The following EPHA5 variants were observed in gnomAD, a reference collection of about 807,000 sequenced individuals.
The protein encoded by EPHA5 is ephrin type-A receptor 5.
Under a neutral mutation model 105.0 loss-of-function variants are expected in EPHA5, and 60 were observed. The ratio of observed to expected loss-of-function variants is 0.57; its 90% CI spans 0.46 to 0.71. The LOEUF is 0.71. Ranked by LOEUF, EPHA5 falls within the 30% of genes least tolerant of loss-of-function variation. The pLI, the probability that EPHA5 is intolerant of heterozygous loss-of-function variation, is 0.00. For synonymous variants in EPHA5, 513 were observed against 449.1 expected (o/e 1.14, Z -1.80); for missense variants, 1,218 against 1,274.7 (o/e 0.96, Z 0.68).
At chr4:65,561,245 T>C (rs1415946810) in intron 3 of EPHA5, among the ~76,000 whole-genome samples, 1 of 152,148 alleles carries the variant, frequency 6.6e-6, no homozygotes, top group East Asian at 1.9e-4. Context: ...TTGTAAGATA[T>C]TATTTATCTA....
chr4:65,533,086 C>T (rs545928956), intron 3 of EPHA5, among the ~76,000 whole-genome samples: 12 of 152,202 alleles, frequency 7.9e-5, no homozygotes, highest in Admixed American at 3.9e-4. Flanking sequence ...CACCTACTTC[C>T]CACTTCAATT....
intron 8 of EPHA5, among the ~76,000 whole-genome samples, chr4:65,388,807 T>C (rs1004952571): frequency 4.6e-5 from 7 of 150,944 alleles, no homozygotes; most frequent in African/African-American, 1.7e-4. Flanking sequence ...GTGCAGAAGC[T>C]CTTTAGTTTA....
Position 65,669,950 on chromosome 4 carries a change from G to T in EPHA5, c.-208C>A. On this transcript the variant is annotated 5_prime_UTR_variant, in exon 1 of 17. Coordinates refer to ENST00000613740, the MANE Select transcript of EPHA5 (RefSeq NM_001281766.3). ...TCTGGCTCCTCTCGCCTCCCCCTTTGGTGGGGTTAAATGAAATATTAGTTC... is the reference window on the plus strand; with the variant it reads ...TCTGGCTCCTCTCGCCTCCCCCTTTTGTGGGGTTAAATGAAATATTAGTTC... The T allele has an allele frequency of 8.8e-6, 6 of 679,726 alleles. No homozygotes were observed. The highest frequency in any genetic ancestry group is 1.2e-5 in the Non-Finnish European group (6 of 484,284). 42.1% of individuals were successfully genotyped at this position (679,726 alleles called of 1,614,324 possible). A position where few individuals can be genotyped will look rare whatever the true frequency, so the allele number is the denominator to read the frequency against.
chr4:65,574,064 C>A (rs1047033307), intron 3 of EPHA5: 1 of 1,600,330 alleles, frequency 6.2e-7, no homozygotes, highest in Non-Finnish European at 8.6e-7. Context: ...CAACCAAAAT[C>A]GATATCAGCA....
chr4:65,331,903 T>A, intron 16 of EPHA5, 70 bp downstream of exon 16: 2 of 1,539,176 alleles, frequency 1.3e-6, no homozygotes, highest in Non-Finnish European at 8.7e-7. Flanking sequence ...CCTTACCTCA[T>A]CCAGATTGGT....
intron 1 of EPHA5, among the ~76,000 whole-genome samples, chr4:65,645,789 A>C (rs1748067524): frequency 6.6e-6 from 1 of 152,064 alleles, no homozygotes; most frequent in Admixed American, 6.6e-5. Flanking sequence ...ATGGTCAAAT[A>C]GTTTTATTCG....
intron 5 of EPHA5, among the ~76,000 whole-genome samples, chr4:65,465,471 G>A (rs199734334): frequency 5.0e-3 from 365 of 72,344 alleles, no homozygotes; most frequent in Non-Finnish European, 7.5e-3. Flanking sequence ...GAAAGAAAAA[G>A]AAAGAAAGAA....
chr4:65,502,359 A>G (rs1732577864), intron 3 of EPHA5, among the ~76,000 whole-genome samples: 1 of 151,804 alleles, frequency 6.6e-6, no homozygotes, highest in South Asian at 2.1e-4. Flanking sequence ...GCATCTGACA[A>G]AGATCTAATA....
intron 5 of EPHA5, among the ~76,000 whole-genome samples, chr4:65,450,815 T>C (rs1355935623): frequency 6.6e-6 from 1 of 152,138 alleles, no homozygotes; most frequent in Non-Finnish European, 1.5e-5. Context: ...ATAATATCCC[T>C]AAAGAACCTC....
At chr4:65,604,459 C>T (rs1744034035) in intron 2 of EPHA5, among the ~76,000 whole-genome samples, 3 of 152,132 alleles carry the variant, frequency 2.0e-5, no homozygotes, top group African/African-American at 2.4e-5. Flanking sequence ...GTACCCAAAA[C>T]ATAAATGATG....
intron 2 of EPHA5, among the ~76,000 whole-genome samples, chr4:65,640,130 A>G (rs1472128720): frequency 6.6e-6 from 1 of 152,122 alleles, no homozygotes; most frequent in Non-Finnish European, 1.5e-5. Flanking sequence ...CATATTAAAT[A>G]AAGTAATGTG....
intron 5 of EPHA5, among the ~76,000 whole-genome samples, chr4:65,448,047 AAAT>A (rs1163998377): frequency 1.7e-4 from 26 of 152,090 alleles, no homozygotes; most frequent in African/African-American, 6.3e-4. Flanking sequence ...CTATAAGTGA[AAAT>A]AATACCAATA....
In EPHA5 at chr4:65,326,670, C is replaced by T. The variant is rs2148784787; in HGVS notation, c.2946-2451G>A. Among the ~76,000 whole-genome samples, 3 of 151,270 alleles carry T rather than the reference C, an allele frequency of 2.0e-5. No homozygotes were observed. The Middle Eastern group carries it at 0.01, about 515-fold the overall frequency. ...TTTCCTAAACTGAAAACTGTCTCTG[C>T]TGGATAATTTAATTAGGACTAGAAA... is the stretch of plus-strand genomic sequence containing the variant. On this transcript the variant is annotated intron_variant, in intron 16 of 16. Transcript: ENST00000613740.
chr4:65,522,316 GTA>G (rs58851174), intron 3 of EPHA5, among the ~76,000 whole-genome samples: 42,851 of 142,636 alleles, frequency 0.3, 7,203 homozygotes, highest in Middle Eastern at 0.42. Context: ...ATATATATAT[GTA>G]TATATATATA....
intron 5 of EPHA5, among the ~76,000 whole-genome samples, chr4:65,448,101 C>T (rs1726728786): frequency 6.6e-6 from 1 of 150,462 alleles, no homozygotes; most frequent in Non-Finnish European, 1.5e-5. Context: ...ATCATAAAGA[C>T]AATAAAAAAT....
At chr4:65,639,407 T>C (rs773927702) in intron 2 of EPHA5, among the ~76,000 whole-genome samples, 2 of 152,200 alleles carry the variant, frequency 1.3e-5, no homozygotes, top group Non-Finnish European at 2.9e-5. Flanking sequence ...TTTGAAGAGG[T>C]CATCGCTTTG....
At chr4:65,642,605 T>A (rs1006649025) in intron 2 of EPHA5, among the ~76,000 whole-genome samples, 4 of 152,000 alleles carry the variant, frequency 2.6e-5, no homozygotes, top group African/African-American at 9.7e-5. Context: ...ATACAAATTA[T>A]TATGAATTAG....
At chr4:65,407,617 A>G (rs1334463575) in intron 7 of EPHA5, among the ~76,000 whole-genome samples, 1 of 151,788 alleles carries the variant, frequency 6.6e-6, no homozygotes, top group East Asian at 1.9e-4. Flanking sequence ...TTTTTGTATA[A>G]AAAGCAATCA....
At position 65,573,509 on chromosome 4, in the gene EPHA5, A is replaced by G. The variant is rs533854093; in HGVS notation, c.910+28132T>C. ...CAGATACTAAAGAGAAGAAACCCGAAGCCAAGAAGACTGATGCTGGTGGCA... is the reference window on the plus strand; with the variant it reads ...CAGATACTAAAGAGAAGAAACCCGAGGCCAAGAAGACTGATGCTGGTGGCA... On this transcript the variant is annotated intron_variant, in intron 3 of 16. Transcript: ENST00000613740. 1.1e-4 allele frequency: 178 copies of G among 1,593,482 alleles called. 2 individuals are homozygous for G. The South Asian group carries it at 1.4e-3, about 12-fold the overall frequency.
Sources: allele counts gnomAD v4.1 joint callset (sites outside exome capture counted in the v4.1 genomes callset), GRCh38; gene constraint gnomAD v4.1.1; transcripts MANE v1.5; gene names NCBI Gene and HGNC (gene_info 2026-07-23, HGNC 2026-07-21).